TEX11: variants seen among roughly 807,000 people sequenced by gnomAD.
TEX11 encodes testis expressed 11, also known as testis-expressed protein 11.
Under a neutral mutation model 84.4 loss-of-function variants are expected in TEX11, and 7 were observed. The ratio of observed to expected loss-of-function variants is 0.08; its 90% CI spans 0.05 to 0.16. The LOEUF (loss-of-function observed/expected upper bound fraction) is 0.16. Among genes scored for constraint, TEX11 ranks in the 10% least tolerant of loss-of-function variants. The pLI is 1.00. For missense variants in TEX11, 551 were observed against 660.5 expected (o/e 0.83, Z 1.82); for synonymous variants, 264 against 222.8 (o/e 1.18, Z -1.64).
At chrX:70,519,672 GT>G in the TEX11 span, among the ~76,000 whole-genome samples, 1 of 111,875 alleles carries the variant, frequency 8.9e-6, no homozygotes, top group African/African-American at 3.2e-5. Flanking sequence ...GCCTTATTAG[GT>G]TTGGGAAGTT....
chrX:70,905,511 T>C (rs2091824711), intron 2 of TEX11, among the ~76,000 whole-genome samples: 1 of 111,839 alleles, frequency 8.9e-6, no homozygotes, highest in Non-Finnish European at 1.9e-5. Flanking sequence ...AGTATGTATG[T>C]ACTGGGATGT....
At chrX:70,816,096 G>C (rs1405791852) in intron 8 of TEX11, among the ~76,000 whole-genome samples, 1 of 110,184 alleles carries the variant, frequency 9.1e-6, no homozygotes, top group African/African-American at 3.3e-5. Context: ...CTTTCCCCCT[G>C]AGTCCCCAAA....
intron 25 of TEX11, among the ~76,000 whole-genome samples, chrX:70,555,527 T>C (rs2088275221): frequency 1.8e-5 from 2 of 112,097 alleles, no homozygotes; most frequent in Non-Finnish European, 3.8e-5. Context: ...ATACAGAAGG[T>C]TCCTTTGTGC....
intron 16 of TEX11, among the ~76,000 whole-genome samples, chrX:70,663,510 C>A (rs2089949542): frequency 1.8e-5 from 2 of 111,316 alleles, no homozygotes; most frequent in Admixed American, 1.9e-4. Flanking sequence ...CTTTATTCTT[C>A]AAATTAGATG....
intron 25 of TEX11, among the ~76,000 whole-genome samples, chrX:70,573,677 C>A: frequency 9.0e-6 from 1 of 111,722 alleles, no homozygotes. Flanking sequence ...AGCATTCAAT[C>A]CTAGTTTTGG....
chrX:70,713,025 C>T (rs1422701101), intron 13 of TEX11, among the ~76,000 whole-genome samples: 1 of 111,548 alleles, frequency 9.0e-6, no homozygotes, highest in African/African-American at 3.3e-5. Context: ...TGTCAAAGGC[C>T]TTTTCTGCAT....
intron 9 of TEX11, among the ~76,000 whole-genome samples, chrX:70,770,105 T>C (rs1400893865): frequency 9.0e-6 from 1 of 111,361 alleles, no homozygotes; most frequent in Admixed American, 9.6e-5. Flanking sequence ...AGACCTTCCC[T>C]TAGATCACAT....
At chrX:70,547,820 G>A (rs1367187752) in intron 28 of TEX11, among the ~76,000 whole-genome samples, 3 of 111,971 alleles carry the variant, frequency 2.7e-5, no homozygotes, top group Non-Finnish European at 5.6e-5. Context: ...CACTGTTGGT[G>A]GGACTGTAAA....
the TEX11 span, among the ~76,000 whole-genome samples, chrX:70,515,416 T>C: frequency 2.7e-5 from 3 of 111,253 alleles, no homozygotes; most frequent in Admixed American, 9.6e-5. Context: ...TGATGGTTTC[T>C]AGCTTCATCC....
chrX:70,717,482 C>T lies in TEX11; in HGVS notation c.1004+5136G>A, dbSNP rs370646110. Among the ~76,000 whole-genome samples the T allele has an allele frequency of 9.0e-5, 10 of 111,178 alleles. No individual in the cohort carries two copies. The South Asian group carries it at 3.8e-3, about 42-fold the overall frequency. On this transcript the variant is annotated intron_variant, in intron 13 of 29. Transcript: ENST00000374333. The stretch of plus-strand genomic sequence containing the variant: ...TAGAGGCATGTGCCACCACAGCCCG[C>T]TCATTTTTGTGTTTTCAGTAGAGAC...
At chrX:70,541,225 C>T (rs1364639944) in intron 28 of TEX11, among the ~76,000 whole-genome samples, 2 of 111,082 alleles carry the variant, frequency 1.8e-5, no homozygotes, top group Non-Finnish European at 3.8e-5. Flanking sequence ...CTGTATGATT[C>T]CAAATCTCAA....
chrX:70,787,460 A>T (rs1161470523), intron 9 of TEX11, among the ~76,000 whole-genome samples: 4 of 110,759 alleles, frequency 3.6e-5, no homozygotes, highest in Non-Finnish European at 7.6e-5. Flanking sequence ...ACTCCCAAGT[A>T]TCTGGGATTA....
At chrX:70,640,027 T>C (rs1455277504) in intron 17 of TEX11, among the ~76,000 whole-genome samples, 2 of 107,227 alleles carry the variant, frequency 1.9e-5, no homozygotes, top group African/African-American at 3.4e-5. Flanking sequence ...TTGAAAAAAA[T>C]TTAGAAGAAT....
chrX:70,725,199 T>C (rs187681779), intron 12 of TEX11, 63 bp downstream of exon 12: 2 of 797,317 alleles, frequency 2.5e-6, no homozygotes, highest in Admixed American at 5.5e-5. Context: ...ACAAAAGATC[T>C]TATATTTAAC....
At chrX:70,594,845 T>C (rs1399205721) in intron 24 of TEX11, among the ~76,000 whole-genome samples, 3 of 111,075 alleles carry the variant, frequency 2.7e-5, no homozygotes, top group African/African-American at 9.8e-5. Flanking sequence ...TGTGAAGAGG[T>C]GCCTTCCATC....
intron 16 of TEX11, among the ~76,000 whole-genome samples, chrX:70,664,878 A>G (rs1418014822): frequency 2.8e-5 from 3 of 106,121 alleles, no homozygotes. Context: ...AAACCCTCAG[A>G]ATCAGTCAAG....
chrX:70,906,140 T>A (rs2091832866), intron 2 of TEX11, among the ~76,000 whole-genome samples: 2 of 51,101 alleles, frequency 3.9e-5, no homozygotes, highest in African/African-American at 6.6e-5. Context: ...TATATCACAA[T>A]GCTGAGCAAA....
At chrX:70,874,308 A>G (rs2091644297) in intron 3 of TEX11, among the ~76,000 whole-genome samples, 1 of 108,184 alleles carries the variant, frequency 9.2e-6, no homozygotes, top group Admixed American at 1.0e-4. Flanking sequence ...CATGGTTGTC[A>G]TTTCACTTAT....
At chrX:70,562,881 T>G (rs1189491512) in intron 25 of TEX11, among the ~76,000 whole-genome samples, 1 of 112,547 alleles carries the variant, frequency 8.9e-6, no homozygotes, top group Admixed American at 9.4e-5. Flanking sequence ...TCCTATGGTT[T>G]TACCTTTTCC....
Sources: gnomAD v4.1 joint callset for allele counts (sites outside exome capture counted in the v4.1 genomes callset) on GRCh38, gnomAD v4.1.1 for gene constraint, MANE v1.5 for transcripts, NCBI Gene and HGNC (gene_info 2026-07-23, HGNC 2026-07-21) for gene names.